MRAS: variants seen among roughly 807,000 people sequenced by gnomAD.
MRAS encodes ras-related protein M-Ras.
Under a neutral mutation model 20.9 loss-of-function variants are expected in MRAS, and 4 were observed. That is an observed-to-expected ratio of 0.19 (90% confidence interval 0.09 to 0.44). The LOEUF is 0.44. Among genes scored for constraint, MRAS ranks in the 20% least tolerant of loss-of-function variants. The pLI, the probability that MRAS is intolerant of heterozygous loss-of-function variation, is 0.99. For missense variants in MRAS, 154 were observed against 277.5 expected (o/e 0.56, Z 3.16); for synonymous variants, 98 against 102.9 (o/e 0.95, Z 0.29).
chr3:138,356,565 T>G (rs1429505461), intron 1 of MRAS, among the ~76,000 whole-genome samples: 2 of 152,234 alleles, frequency 1.3e-5, no homozygotes, highest in Admixed American at 1.3e-4. Context: ...GCCGTCTTTC[T>G]TGGCCAACAC....
chr3:138,352,337 T>G (rs753904796), intron 1 of MRAS, among the ~76,000 whole-genome samples: 3 of 152,236 alleles, frequency 2.0e-5, no homozygotes, highest in Middle Eastern at 3.2e-3. Context: ...CCCCCAGCAC[T>G]GAGCCCCTAG....
intron 1 of MRAS, chr3:138,350,479 G>C (rs997382338): frequency 6.6e-6 from 1 of 152,066 alleles, no homozygotes; most frequent in East Asian, 1.9e-4. Context: ...GGCAAGCCTC[G>C]TGCTCTGGTG....
chr3:138,394,764 G>T (rs903649149), intron 2 of MRAS, among the ~76,000 whole-genome samples: 5 of 152,142 alleles, frequency 3.3e-5, no homozygotes, highest in Non-Finnish European at 5.9e-5. Context: ...AGAAACAGGC[G>T]TCATCCTCAA....
intron 2 of MRAS, among the ~76,000 whole-genome samples, chr3:138,390,055 A>T (rs143340029): frequency 1.3e-3 from 160 of 123,136 alleles, no homozygotes; most frequent in African/African-American, 4.7e-3. Context: ...AAGCAGAGAA[A>T]AGGGGGAGAG....
rs73864519 is a variant in MRAS, at chr3:138,361,437, C to T, written c.-18-11429C>T. ...TGCTCAGGCCGGGGGCAGACATGGG[C>T]CACAGTGGTGGACAGCCTTGCTAGG... is the stretch of plus-strand genomic sequence containing the variant. On this transcript the variant is annotated intron_variant, in intron 1 of 5. Transcript: ENST00000423968. Among the ~76,000 whole-genome samples, 791 of 152,262 alleles carry T rather than the reference C, an allele frequency of 5.2e-3. 7 individuals carry two copies. The highest frequency in any genetic ancestry group is 0.018 in the African/African-American group (755 of 41,546).
intron 2 of MRAS, among the ~76,000 whole-genome samples, chr3:138,391,952 A>C (rs1355150878): frequency 6.6e-6 from 1 of 152,204 alleles, no homozygotes; most frequent in Non-Finnish European, 1.5e-5. Flanking sequence ...ATCCTGGCCA[A>C]CATGGTGAAA....
At chr3:138,363,360 C>T (rs576601178) in intron 1 of MRAS, among the ~76,000 whole-genome samples, 3 of 152,276 alleles carry the variant, frequency 2.0e-5, no homozygotes, top group Admixed American at 6.5e-5. Context: ...CATGCCTGAC[C>T]GTCCTTACTG....
At chr3:138,396,073 T>TC (rs1291150233) in intron 2 of MRAS, among the ~76,000 whole-genome samples, 2 of 151,816 alleles carry the variant, frequency 1.3e-5, no homozygotes, top group African/African-American at 2.4e-5. Flanking sequence ...CAAGTCAGAG[T>TC]CCGCTCACCA....
At chr3:138,398,595 G>T (rs1334106437) in intron 4 of MRAS, 27 bp downstream of exon 4, 2 of 1,602,608 alleles carry the variant, frequency 1.2e-6, no homozygotes, top group Non-Finnish European at 1.7e-6. Flanking sequence ...GTGTAGAGGG[G>T]GTCAGGAGAT....
At chr3:138,388,397 A>G (rs771536536) in intron 2 of MRAS, among the ~76,000 whole-genome samples, 7 of 152,236 alleles carry the variant, frequency 4.6e-5, no homozygotes, top group African/African-American at 1.2e-4. Flanking sequence ...TTAGAGATAC[A>G]TAAAACATTC....
At chr3:138,384,307 G>A (rs541601267) in intron 2 of MRAS, among the ~76,000 whole-genome samples, 81 of 152,272 alleles carry the variant, frequency 5.3e-4, no homozygotes, top group African/African-American at 1.7e-3. Context: ...TGGTGTGAAC[G>A]GAACACAGAG....
intron 1 of MRAS, among the ~76,000 whole-genome samples, chr3:138,352,070 G>A (rs1400321028): frequency 1.3e-5 from 2 of 152,196 alleles, no homozygotes; most frequent in Admixed American, 6.5e-5. Flanking sequence ...AAATAGAGTG[G>A]GACAGTTGTC....
chr3:138,368,048 C>T (rs911721470), intron 1 of MRAS, among the ~76,000 whole-genome samples: 6 of 152,224 alleles, frequency 3.9e-5, no homozygotes, highest in Non-Finnish European at 8.8e-5. Context: ...CAGTGGTTGC[C>T]ATGGGAACCA....
intron 4 of MRAS, among the ~76,000 whole-genome samples, chr3:138,399,717 C>T (rs746067465): frequency 6.6e-6 from 1 of 152,224 alleles, no homozygotes; most frequent in African/African-American, 2.4e-5. Context: ...TCAAGGGAGG[C>T]CTGTGTGTTC....
upstream of MRAS, chr3:138,348,035 G>C (rs2054152031): frequency 6.6e-6 from 1 of 152,202 alleles, no homozygotes; most frequent in African/African-American, 2.4e-5. Context: ...TGTCCCCGTC[G>C]CATCCATCCC....
intron 1 of MRAS, among the ~76,000 whole-genome samples, chr3:138,366,874 T>C (rs146305734): frequency 6.6e-6 from 1 of 152,304 alleles, no homozygotes; most frequent in East Asian, 1.9e-4. Context: ...ATGGAGAGGC[T>C]AGGGGACCTA....
intron 2 of MRAS, 83 bp from the exon 3 acceptor site, chr3:138,397,241 C>A: frequency 6.6e-7 from 1 of 1,512,482 alleles, no homozygotes; most frequent in Non-Finnish European, 9.0e-7. Flanking sequence ...GGGACAGCAG[C>A]AGCAGCAGTG....
chr3:138,370,092 G>A (rs1372888261), intron 1 of MRAS, among the ~76,000 whole-genome samples: 2 of 152,184 alleles, frequency 1.3e-5, no homozygotes, highest in East Asian at 1.9e-4. Context: ...GGCCAAGGCA[G>A]GCAGGTCACA....
intron 1 of MRAS, among the ~76,000 whole-genome samples, chr3:138,365,341 A>T (rs2054538077): frequency 6.6e-6 from 1 of 152,342 alleles, no homozygotes; most frequent in African/African-American, 2.4e-5. Context: ...CTCCGCCCTG[A>T]GTCCTGTTTG....
Sources: allele counts gnomAD v4.1 joint callset (sites outside exome capture counted in the v4.1 genomes callset), GRCh38; gene constraint gnomAD v4.1.1; transcripts MANE v1.5; gene names NCBI Gene and HGNC (gene_info 2026-07-23, HGNC 2026-07-21).